NEBL: variants seen among roughly 807,000 people sequenced by gnomAD.
NEBL encodes LIM and SH3 protein 2.
NEBL carries 122 observed loss-of-function variants against 140.2 expected under a neutral mutation model. The observed-to-expected ratio is 0.87, with a 90% CI of 0.75 to 1.01. The LOEUF (loss-of-function observed/expected upper bound fraction) is 1.01, where lower values mean the gene tolerates loss of function less well. Ranked by LOEUF, NEBL falls within the 50% of genes least tolerant of loss-of-function variation. The pLI is 0.00. For synonymous variants in NEBL, 436 were observed against 398.9 expected (o/e 1.09, Z -1.11); for missense variants, 1,365 against 1,231.3 (o/e 1.11, Z -1.62).
chr10:20,919,325 T>C (rs1833465724), intron 4 of NEBL, among the ~76,000 whole-genome samples: 1 of 152,200 alleles, frequency 6.6e-6, no homozygotes, highest in African/African-American at 2.4e-5. Flanking sequence ...GCAACCTCTG[T>C]AAGCCTCACT....
chr10:20,787,811 G>A (rs780900292), intron 26 of NEBL, among the ~76,000 whole-genome samples: 14 of 152,102 alleles, frequency 9.2e-5, no homozygotes, highest in East Asian at 3.8e-4. Flanking sequence ...TTAGCAACAC[G>A]TTTGTTCGGT....
intron 12 of NEBL, among the ~76,000 whole-genome samples, chr10:20,844,135 T>C (rs148647953): frequency 1.9e-3 from 292 of 152,220 alleles, no homozygotes; most frequent in African/African-American, 6.7e-3. Context: ...ACATTACATA[T>C]TACAACACTG....
chr10:21,269,443 C>T (rs1436159415), intron 1 of NEBL, among the ~76,000 whole-genome samples: 1 of 152,210 alleles, frequency 6.6e-6, no homozygotes, highest in Non-Finnish European at 1.5e-5. Flanking sequence ...TCTCGATGAG[C>T]ACAACAAACA....
At chr10:20,952,254 C>T (rs187105603) in intron 4 of NEBL, among the ~76,000 whole-genome samples, 73 of 151,826 alleles carry the variant, frequency 4.8e-4, no homozygotes, top group African/African-American at 1.6e-3. Context: ...CTGGCCAACA[C>T]GGTAAAACCC....
At chr10:20,948,972 C>T (rs938126801) in intron 4 of NEBL, among the ~76,000 whole-genome samples, 12 of 152,200 alleles carry the variant, frequency 7.9e-5, no homozygotes, top group African/African-American at 2.7e-4. Context: ...GTGCACTCTA[C>T]ACATACGTGG....
intron 2 of NEBL, among the ~76,000 whole-genome samples, chr10:21,046,074 C>T (rs1271702895): frequency 6.6e-6 from 1 of 152,158 alleles, no homozygotes; most frequent in Non-Finnish European, 1.5e-5. Flanking sequence ...AAAATCCCGT[C>T]ATTTGTGACA....
At position 20,949,793 on chromosome 10, in the gene NEBL, C is replaced by T. The variant is rs188329056; in HGVS notation, c.357+11879G>A. On this transcript the variant is annotated intron_variant, in intron 4 of 6. Transcript: ENST00000417816. The stretch of plus-strand genomic sequence containing the variant: ...TTTCCTTATTTAAATGGCTGTTAAG[C>T]GATTTAGATGGTTTGACTTAATTTT... Among the ~76,000 whole-genome samples the T allele has an allele frequency of 3.3e-5, 5 of 151,342 alleles. No homozygotes were observed. The East Asian group carries it at 5.8e-4, about 18-fold the overall frequency.
intron 3 of NEBL, among the ~76,000 whole-genome samples, chr10:21,186,036 T>C (rs894198907): frequency 6.6e-6 from 1 of 152,132 alleles, no homozygotes. Flanking sequence ...AGAAGATTGT[T>C]TGGTTTCATT....
chr10:20,979,060 A>G (rs987753386), intron 3 of NEBL, among the ~76,000 whole-genome samples: 1 of 151,784 alleles, frequency 6.6e-6, no homozygotes, highest in African/African-American at 2.4e-5. Flanking sequence ...TCTGCAAAAC[A>G]ATATTAGATG....
At chr10:21,211,349 T>C (rs932942807) in intron 3 of NEBL, among the ~76,000 whole-genome samples, 1 of 151,948 alleles carries the variant, frequency 6.6e-6, no homozygotes, top group African/African-American at 2.4e-5. Context: ...GGTGTGGTGG[T>C]GCACACCTGT....
chr10:20,940,042 C>G (rs1032977044), intron 4 of NEBL, among the ~76,000 whole-genome samples: 3 of 151,278 alleles, frequency 2.0e-5, no homozygotes, highest in African/African-American at 7.3e-5. Context: ...AGAAAGTTAA[C>G]AAGGATACCC....
chr10:21,006,294 A>G (rs1838136497), intron 3 of NEBL, among the ~76,000 whole-genome samples: 1 of 152,174 alleles, frequency 6.6e-6, no homozygotes, highest in Admixed American at 6.5e-5. Context: ...CATGGGAGAG[A>G]TTCCCAGGAG....
chr10:21,163,795 C>T (rs1840652329), intron 2 of NEBL, among the ~76,000 whole-genome samples: 1 of 152,192 alleles, frequency 6.6e-6, no homozygotes, highest in Admixed American at 6.5e-5. Flanking sequence ...CGAACTAGTT[C>T]TCTTCTGGCT....
chr10:21,007,500 A>G (rs1589131046), intron 3 of NEBL, among the ~76,000 whole-genome samples: 2 of 152,206 alleles, frequency 1.3e-5, no homozygotes, highest in South Asian at 4.1e-4. Flanking sequence ...CATTCTTATA[A>G]GACTCTTGCT....
chr10:20,792,715 G>C (rs1229127119), intron 26 of NEBL, among the ~76,000 whole-genome samples: 1 of 151,274 alleles, frequency 6.6e-6, no homozygotes, highest in Non-Finnish European at 1.5e-5. Context: ...CAGGAGAATT[G>C]TTTGAACCTG....
intron 3 of NEBL, among the ~76,000 whole-genome samples, chr10:21,209,128 C>T (rs1841875635): frequency 6.6e-6 from 1 of 152,094 alleles, no homozygotes; most frequent in Non-Finnish European, 1.5e-5. Flanking sequence ...AGGTATTCTG[C>T]CCAAATTCCA....
intron 2 of NEBL, among the ~76,000 whole-genome samples, chr10:21,155,935 T>G (rs7093475): frequency 6.6e-6 from 1 of 151,924 alleles, no homozygotes; most frequent in African/African-American, 2.4e-5. Flanking sequence ...AGAGGTGGAG[T>G]TGGCCCCCAC....
intron 4 of NEBL, among the ~76,000 whole-genome samples, chr10:20,950,851 G>A (rs550325142): frequency 6.6e-6 from 1 of 152,246 alleles, no homozygotes; most frequent in African/African-American, 2.4e-5. Flanking sequence ...GGTTTTTAAG[G>A]TTTTTTCCTG....
intron 4 of NEBL, among the ~76,000 whole-genome samples, chr10:20,907,198 G>T (rs1162549557): frequency 6.6e-6 from 1 of 152,014 alleles, no homozygotes; most frequent in Non-Finnish European, 1.5e-5. Flanking sequence ...GTCTTAATAA[G>T]CAAGCAATAA....
Sources: gnomAD v4.1 joint callset for allele counts (sites outside exome capture counted in the v4.1 genomes callset) on GRCh38, gnomAD v4.1.1 for gene constraint, MANE v1.5 for transcripts, NCBI Gene and HGNC (gene_info 2026-07-23, HGNC 2026-07-21) for gene names.